ZNF189: variants seen among roughly 807,000 people sequenced by gnomAD.
The protein encoded by ZNF189 is zinc finger protein 189.
ZNF189 carries 33 observed loss-of-function variants against 53.5 expected under a neutral mutation model. The ratio of observed to expected loss-of-function variants is 0.62; its 90% CI spans 0.47 to 0.82. ZNF189 has a LOEUF of 0.82. ZNF189 is among the 40% of genes least tolerant of loss of function. ZNF189 has a pLI of 0.00. For missense variants in ZNF189, 711 were observed against 753.9 expected (o/e 0.94, Z 0.67); for synonymous variants, 247 against 238.8 (o/e 1.03, Z -0.32).
At position 101,399,194 on chromosome 9, in the gene ZNF189, G is replaced by GT; in HGVS notation, c.33+6dup. On this transcript the variant is annotated splice_donor_region_variant and intron_variant, in intron 1 of 2. Coordinates refer to ENST00000339664, the MANE Select transcript of ZNF189 (RefSeq NM_003452.4). The stretch of plus-strand genomic sequence containing the variant: ...AGCCCCCCGCCGGAGTCGAAGGTAA[G>GT]TAAGCACCCCCCCGGGGATCCCGGT... The GT allele has an allele frequency of 6.3e-7, 1 of 1,589,622 alleles. No homozygotes were observed. The highest frequency in any genetic ancestry group is 8.6e-7 in the Non-Finnish European group (1 of 1,160,458).
chr9:101,404,425 A>T (rs1396672022), intron 2 of ZNF189, among the ~76,000 whole-genome samples: 2 of 152,180 alleles, frequency 1.3e-5, no homozygotes, highest in African/African-American at 4.8e-5. Flanking sequence ...GATCCTTATA[A>T]TATTGAATCT....
chr9:101,408,272 G>T lies in ZNF189; in HGVS notation c.504G>T (p.Arg168Ser). The change falls in exon 3 of 3, where the codon AGG (arginine) becomes AGT (serine). Residue 168 changes from arginine (R) to serine (S), a missense_variant. Coordinates refer to ENST00000339664, the MANE Select transcript of ZNF189 (RefSeq NM_003452.4). ...VRKAHFIQHQ[R>S]VHTGEKPFQC... ...AGGCCCATTTCATTCAACATCAAAG[G>T]GTCCATACTGGTGAGAAACCTTTTC... The T allele has an allele frequency of 6.2e-7, 1 of 1,614,108 alleles. No individual in the cohort carries two copies.
chr9:101,408,684 C>T lies in ZNF189; in HGVS notation c.916C>T (p.His306Tyr). ...SFSRNSLLVE[H>Y]QRIHTGERPH... ...TAGTCGAAATTCATTGCTTGTTGAG[C>T]ATCAAAGAATTCACACTGGGGAAAG... is the stretch of plus-strand genomic sequence containing the variant. The change falls in exon 3 of 3, where the codon CAT becomes TAT. Residue 306 changes from histidine to tyrosine, a missense_variant. Physicochemically the swap from His to Tyr is moderately conservative, Grantham distance 83. Coordinates refer to ENST00000339664, the MANE Select transcript of ZNF189 (RefSeq NM_003452.4). The T allele has an allele frequency of 6.2e-7, 1 of 1,614,170 alleles. No homozygotes were observed. Among genetic ancestry groups the T allele is most frequent in the Non-Finnish European group, 8.5e-7 (1 of 1,180,022 alleles).
rs61755101 is a variant in ZNF189 at position 101,409,250 on chromosome 9, C to G, written c.1482C>G (p.Ser494Arg). 6.2e-7 allele frequency: 1 copy of G among 1,613,038 alleles called. No homozygotes were observed. Among genetic ancestry groups the G allele is most frequent in the South Asian group, 1.1e-5 (1 of 91,000 alleles). ...YLCTVCGKSF[S>R]RSSFLIEHQR... ...GTACTGTCTGTGGGAAAAGCTTCAG[C>G]CGGAGCTCATTTCTTATTGAACATC... is the stretch of plus-strand genomic sequence containing the variant. The change falls in exon 3 of 3, where the codon AGC becomes AGG. Residue 494 changes from serine (S) to arginine (R), a missense_variant. Physicochemically the swap from Ser to Arg is moderately radical, Grantham distance 110. Coordinates refer to ENST00000339664, the MANE Select transcript of ZNF189 (RefSeq NM_003452.4).
rs1219798908 is a variant in ZNF189 at position 101,409,195 on chromosome 9, G to T, written c.1427G>T (p.Arg476Ile). 6.2e-7 allele frequency: 1 copy of T among 1,613,996 alleles called. No individual in the cohort carries two copies. Among genetic ancestry groups the T allele is most frequent in the Non-Finnish European group, 8.5e-7 (1 of 1,179,976 alleles). ...SVSAHLVQHQ[R>I]IHTGEKPYLC... ...AGTGCTCATCTTGTACAACATCAAA[G>T]AATCCACACTGGTGAAAAGCCCTAT... Residue 476 changes from arginine to isoleucine, a missense_variant, in exon 3 of 3, where the codon AGA becomes ATA. Arg to Ile is a moderately conservative substitution (Grantham distance 97). Transcript: ENST00000339664.
chr9:101,409,926 C>G lies in ZNF189; in HGVS notation c.*277C>G. 6.2e-6 allele frequency: 2 copies of G among 324,614 alleles called. No individual in the cohort carries two copies. The highest frequency in any genetic ancestry group is 5.6e-6 in the Non-Finnish European group (1 of 177,228). The allele number at this position is 324,614 out of a possible 1,614,324, so 20.1% of individuals were successfully genotyped here. A position where few individuals can be genotyped will look rare whatever the true frequency, so the allele number is the denominator to read the frequency against. ...AACCTAGGTTCAGAGCATGGGTGCT[C>G]TGAGGGACAAAGTTGGATTAGTATA... On this transcript the variant is annotated 3_prime_UTR_variant, in exon 3 of 3. Coordinates refer to ENST00000339664, the MANE Select transcript of ZNF189 (RefSeq NM_003452.4).
Position 101,410,473 on chromosome 9 carries a change from A to G in ZNF189, c.*824A>G, listed in dbSNP as rs1830902205. 6.6e-6 allele frequency: 1 copy of G among 152,378 alleles called. No individual in the cohort carries two copies. Among genetic ancestry groups the G allele is most frequent in the African/African-American group, 2.4e-5 (1 of 41,462 alleles). The allele number at this position is 152,378 out of a possible 1,614,324, so 9.4% of individuals were successfully genotyped here. The stretch of plus-strand genomic sequence containing the variant: ...TTATGACTGCCAAGTATTGGAAATG[A>G]AAAGACCTGGAGTCTATGCTAGGAA... On this transcript the variant is annotated 3_prime_UTR_variant, in exon 3 of 3. Coordinates refer to ENST00000339664, the MANE Select transcript of ZNF189 (RefSeq NM_003452.4).
Position 101,408,319 on chromosome 9 carries a change from G to A in ZNF189, c.551G>A (p.Ser184Asn), listed in dbSNP as rs1830793979. 6.2e-7 allele frequency: 1 copy of A among 1,614,152 alleles called. No homozygotes were observed. The highest frequency in any genetic ancestry group is 8.5e-7 in the Non-Finnish European group (1 of 1,180,024). ...TTTCAGTGCAATGAATGTGGGAAAA[G>A]TTTTAGTCGCAGTTCATTTGTTATT... ...KPFQCNECGK[S>N]FSRSSFVIEH... Residue 184 changes from serine (S) to asparagine (N), a missense_variant, in exon 3 of 3, where the codon AGT (serine) becomes AAT (asparagine). Ser to Asn is a conservative substitution (Grantham distance 46). Coordinates refer to ENST00000339664, the MANE Select transcript of ZNF189 (RefSeq NM_003452.4).
chr9:101,401,919 CCA>C (rs1491173075), intron 2 of ZNF189, among the ~76,000 whole-genome samples: 2 of 117,464 alleles, frequency 1.7e-5, no homozygotes, highest in Middle Eastern at 3.8e-3. Context: ...AAAATAAGTC[CCA>C]TTTTTTTTTT....
In ZNF189 at chr9:101,408,378, T is replaced by G; in HGVS notation, c.610T>G (p.Tyr204Asp). The change falls in exon 3 of 3, where the codon TAT becomes GAT. Residue 204 changes from tyrosine (Y) to aspartate (D), a missense_variant. Transcript: ENST00000339664. ...HQRIHTGERP[Y>D]ECNYCGKTFS... is the part of the protein sequence containing the mutation. Reference sequence around the variant, plus strand: ...GAGAATTCACACTGGGGAAAGGCCCTATGAGTGTAATTACTGTGGAAAAAC... The same window carrying G: ...GAGAATTCACACTGGGGAAAGGCCCGATGAGTGTAATTACTGTGGAAAAAC... 6.2e-7 allele frequency: 1 copy of G among 1,611,040 alleles called. No individual in the cohort carries two copies. The highest frequency in any genetic ancestry group is 8.5e-7 in the Non-Finnish European group (1 of 1,179,170).
At chr9:101,401,009 C>T (rs1385351500) in intron 2 of ZNF189, among the ~76,000 whole-genome samples, 1 of 152,144 alleles carries the variant, frequency 6.6e-6, no homozygotes, top group Non-Finnish European at 1.5e-5. Context: ...GGGCTTGTAT[C>T]CCCATCTAAT....
Position 101,410,043 on chromosome 9 carries a change from A to G in ZNF189, c.*394A>G, listed in dbSNP as rs550084523. 1.2e-4 allele frequency: 20 copies of G among 163,626 alleles called. No homozygotes were observed. In the East Asian group the frequency reaches 3.6e-3, roughly 29 times the overall value. 10.1% of individuals were successfully genotyped at this position (163,626 alleles called of 1,614,324 possible). The stretch of plus-strand genomic sequence containing the variant: ...ATATTGTGGTTCTTTCAGTTCCATG[A>G]TATGTTTGGCTCTGCATGCCAAAGT... On this transcript the variant is annotated 3_prime_UTR_variant, in exon 3 of 3. Coordinates refer to ENST00000339664, the MANE Select transcript of ZNF189 (RefSeq NM_003452.4).
rs374430369 is a variant in ZNF189, at chr9:101,409,435, T to C, written c.1667T>C (p.Ile556Thr). ...GKAFSRNSGLIQHQRIHTGEK... is the reference protein window; with the variant it reads ...GKAFSRNSGLTQHQRIHTGEK... ...GCCTTTAGCCGGAACTCGGGTCTTA[T>C]TCAGCATCAGAGAATACACACAGGA... is the stretch of plus-strand genomic sequence containing the variant. The change falls in exon 3 of 3, where the codon ATT (isoleucine) becomes ACT (threonine). Residue 556 changes from isoleucine (I) to threonine (T), a missense_variant. Ile to Thr is a moderately conservative substitution (Grantham distance 89). Coordinates refer to ENST00000339664, the MANE Select transcript of ZNF189 (RefSeq NM_003452.4). The C allele has an allele frequency of 5.0e-6, 8 of 1,614,060 alleles. No homozygotes were observed. The Admixed American group carries it at 5.0e-5, about 10-fold the overall frequency.
Position 101,407,921 on chromosome 9 carries a change from T to G in ZNF189, c.161-8T>G. ...GTTGATCTTTGTATTTCCTTTTTATTATTCCAGATGTTTTGAACAGAGATA... is the reference window on the plus strand; with the variant it reads ...GTTGATCTTTGTATTTCCTTTTTATGATTCCAGATGTTTTGAACAGAGATA... On this transcript the variant is annotated splice_polypyrimidine_tract_variant and splice_region_variant and intron_variant, in intron 2 of 2. Transcript: ENST00000339664. 3 of 1,518,492 alleles carry G rather than the reference T, an allele frequency of 2.0e-6. No homozygotes were observed. In the South Asian group the frequency reaches 4.0e-5, roughly 20 times the overall value. 94.1% of individuals were successfully genotyped at this position (1,518,492 alleles called of 1,614,324 possible). A position where few individuals can be genotyped will look rare whatever the true frequency, so the allele number is the denominator to read the frequency against.
In ZNF189 at chr9:101,409,760, C is replaced by A; in HGVS notation, c.*111C>A. 1.6e-6 allele frequency: 2 copies of A among 1,255,200 alleles called. No homozygotes were observed. The highest frequency in any genetic ancestry group is 1.1e-6 in the Non-Finnish European group (1 of 933,300). 77.8% of individuals were successfully genotyped at this position (1,255,200 alleles called of 1,614,324 possible). ...TGATAAAGCAAATTCTCCTTGGCCT[C>A]AGGCAAATAGTTTCTAAAGATTCTG... On this transcript the variant is annotated 3_prime_UTR_variant, in exon 3 of 3. Coordinates refer to ENST00000339664, the MANE Select transcript of ZNF189 (RefSeq NM_003452.4).
chr9:101,409,756 G>A lies in ZNF189; in HGVS notation c.*107G>A. On this transcript the variant is annotated 3_prime_UTR_variant, in exon 3 of 3. Transcript: ENST00000339664. The stretch of plus-strand genomic sequence containing the variant: ...TTAGTGATAAAGCAAATTCTCCTTG[G>A]CCTCAGGCAAATAGTTTCTAAAGAT... The A allele has an allele frequency of 7.7e-7, 1 of 1,291,536 alleles. No individual in the cohort carries two copies. The highest frequency in any genetic ancestry group is 1.0e-6 in the Non-Finnish European group (1 of 964,998). 80.0% of individuals were successfully genotyped at this position (1,291,536 alleles called of 1,614,324 possible).
chr9:101,409,183 T>C lies in ZNF189; in HGVS notation c.1415T>C (p.Val472Ala), dbSNP rs745471034. The C allele has an allele frequency of 1.2e-6, 2 of 1,614,116 alleles. No individual in the cohort carries two copies. Among genetic ancestry groups the C allele is most frequent in the South Asian group, 2.2e-5 (2 of 91,090 alleles). ...ACTTTTAGTGTTAGTGCTCATCTTG[T>C]ACAACATCAAAGAATCCACACTGGT... is the stretch of plus-strand genomic sequence containing the variant. ...GKTFSVSAHL[V>A]QHQRIHTGEK... Residue 472 changes from valine to alanine, a missense_variant, in exon 3 of 3, where the codon GTA becomes GCA. Transcript: ENST00000339664.
In ZNF189 at chr9:101,408,758, C is replaced by T; in HGVS notation, c.990C>T (p.Tyr330=). The T allele has an allele frequency of 6.2e-7, 1 of 1,613,960 alleles. No homozygotes were observed. Among genetic ancestry groups the T allele is most frequent in the Non-Finnish European group, 8.5e-7 (1 of 1,179,972 alleles). ...GGAAAGCCTTTCGATTAAGCACATA[C>T]CTTATACAACACCAAAAAATTCACA... ...ECGKAFRLST[Y]LIQHQKIHTG... Residue 330 remains tyrosine, a synonymous_variant, in exon 3 of 3, where the codon TAC becomes TAT. Coordinates refer to ENST00000339664, the MANE Select transcript of ZNF189 (RefSeq NM_003452.4).
rs765653896 is a variant in ZNF189, at chr9:101,409,525, A to G, written c.1757A>G (p.His586Arg). 6.2e-7 allele frequency: 1 copy of G among 1,614,110 alleles called. No homozygotes were observed. The highest frequency in any genetic ancestry group is 8.5e-7 in the Non-Finnish European group (1 of 1,180,004). The change falls in exon 3 of 3, where the codon CAT (histidine) becomes CGT (arginine). Residue 586 changes from histidine (H) to arginine (R), a missense_variant. By Grantham distance (29) the His-to-Arg change is conservative (BLOSUM62 0). Coordinates refer to ENST00000339664, the MANE Select transcript of ZNF189 (RefSeq NM_003452.4). Reference protein sequence around the residue: ...SFSQQRSLVNHQKIHAEVKTQ... With the variant: ...SFSQQRSLVNRQKIHAEVKTQ... The stretch of plus-strand genomic sequence containing the variant: ...AGTCAACAGCGCAGTCTTGTCAACC[A>G]TCAGAAGATCCATGCAGAGGTGAAA...
Sources: gnomAD v4.1 joint callset for allele counts (sites outside exome capture counted in the v4.1 genomes callset) on GRCh38, gnomAD v4.1.1 for gene constraint, MANE v1.5 for transcripts, NCBI Gene and HGNC (gene_info 2026-07-23, HGNC 2026-07-21) for gene names.